HERPUD2: variants seen among roughly 807,000 people sequenced by gnomAD.
The protein encoded by HERPUD2 is homocysteine-responsive endoplasmic reticulum-resident ubiquitin-like domain member 2 protein.
A neutral mutation model predicts 49.9 loss-of-function variants in HERPUD2; 13 were observed. The ratio of observed to expected loss-of-function variants is 0.26; its 90% CI spans 0.17 to 0.41. The LOEUF is 0.41. HERPUD2 is among the 10% of genes least tolerant of loss of function. The probability of loss-of-function intolerance (pLI) is 1.00; values close to 1 mark genes in which losing one functional copy is unlikely to be tolerated. For synonymous variants in HERPUD2, 172 were observed against 171.4 expected (o/e 1.00, Z -0.03); for missense variants, 449 against 492.2 (o/e 0.91, Z 0.83).
chr7:35,691,273 A>G (rs1297029568), intron 2 of HERPUD2, among the ~76,000 whole-genome samples: 5 of 152,222 alleles, frequency 3.3e-5, no homozygotes, highest in African/African-American at 4.8e-5. Context: ...AGTCAAATCA[A>G]TATCTGACCA....
intron 6 of HERPUD2, among the ~76,000 whole-genome samples, chr7:35,637,160 A>AAGAT (rs201529201): frequency 0.033 from 4,777 of 144,070 alleles, 122 homozygotes; most frequent in South Asian, 0.059. Flanking sequence ...GAAAGAAAGA[A>AAGAT]AGATAGATAG....
chr7:35,680,651 C>T (rs1315970609), intron 2 of HERPUD2, among the ~76,000 whole-genome samples: 1 of 152,192 alleles, frequency 6.6e-6, no homozygotes, highest in Non-Finnish European at 1.5e-5. Context: ...TATTCTCCCC[C>T]AGCTCTTGCA....
At chr7:35,674,375 C>T (rs1339258267) in intron 2 of HERPUD2, among the ~76,000 whole-genome samples, 1 of 47,544 alleles carries the variant, frequency 2.1e-5, no homozygotes, top group Non-Finnish European at 4.8e-5. Context: ...ATAAGTCTTA[C>T]AACCTATATA....
chr7:35,688,176 T>C (rs1263422263), intron 2 of HERPUD2, among the ~76,000 whole-genome samples: 2 of 152,224 alleles, frequency 1.3e-5, no homozygotes, highest in Non-Finnish European at 2.9e-5. Flanking sequence ...ATATCATTTC[T>C]GTGGGAAATG....
intron 1 of HERPUD2, 60 bp from the exon 2 acceptor site, chr7:35,694,687 CG>C (rs1030336998): frequency 6.5e-5 from 16 of 245,592 alleles, no homozygotes; most frequent in Admixed American, 1.9e-4. Context: ...GTCACTGCCC[CG>C]CCCCACCGCG....
chr7:35,687,530 T>A (rs940727714), intron 2 of HERPUD2, among the ~76,000 whole-genome samples: 6 of 152,260 alleles, frequency 3.9e-5, no homozygotes, highest in Non-Finnish European at 7.4e-5. Context: ...AACAGAAATA[T>A]CCCACTTCAA....
intron 2 of HERPUD2, among the ~76,000 whole-genome samples, chr7:35,676,419 T>TA (rs1171656895): frequency 6.6e-6 from 1 of 152,182 alleles, no homozygotes; most frequent in Admixed American, 6.5e-5. Flanking sequence ...TAGGAGTCCC[T>TA]ACAAGGTGGC....
intron 3 of HERPUD2, among the ~76,000 whole-genome samples, chr7:35,672,631 A>G (rs181970254): frequency 7.9e-5 from 12 of 152,276 alleles, no homozygotes; most frequent in Middle Eastern, 3.4e-3. Flanking sequence ...GAAAAGCTCT[A>G]TAAGTATAAA....
intron 2 of HERPUD2, among the ~76,000 whole-genome samples, chr7:35,681,574 A>T (rs1452154266): frequency 6.6e-6 from 1 of 152,226 alleles, no homozygotes; most frequent in Non-Finnish European, 1.5e-5. Context: ...GAAACAACCC[A>T]AATGTCTATC....
chr7:35,651,011 G>C (rs750441420), intron 5 of HERPUD2, among the ~76,000 whole-genome samples: 6 of 152,126 alleles, frequency 3.9e-5, no homozygotes, highest in Non-Finnish European at 5.9e-5. Flanking sequence ...TCCTCCCAGA[G>C]GCCTGAGGAC....
chr7:35,633,491 T>C lies in HERPUD2; in HGVS notation c.*199A>G, dbSNP rs1308542585. On this transcript the variant is annotated 3_prime_UTR_variant, in exon 9 of 9. Coordinates refer to ENST00000311350, the MANE Select transcript of HERPUD2 (RefSeq NM_022373.5). ...TTACGCTATGTTCTGTTAGGATCTT[T>C]AAAAAAAAAAAAAAAAAACTCAGAT... 3.7e-6 allele frequency: 1 copy of C among 273,866 alleles called. No homozygotes were observed. Among genetic ancestry groups the C allele is most frequent in the Non-Finnish European group, 6.5e-6 (1 of 153,016 alleles). The allele number at this position is 273,866 out of a possible 1,614,324, so 17.0% of individuals were successfully genotyped here. A position where few individuals can be genotyped will look rare whatever the true frequency, so the allele number is the denominator to read the frequency against.
rs1308301669 is a variant in HERPUD2 at position 35,686,739 on chromosome 7, A to C, written c.147+7445T>G. Among the ~76,000 whole-genome samples the C allele has an allele frequency of 5.3e-3, 592 of 112,396 alleles. 36 individuals are homozygous for C. The highest frequency in any genetic ancestry group is 0.034 in the East Asian group (107 of 3,122). 73.7% of individuals were successfully genotyped at this position (112,396 alleles called of 152,430 possible). ...GTCTCAAAAAAAAAAAAAAAAAAAA[A>C]AAAAAACCAAACCCATTTCCAGGCC... On this transcript the variant is annotated intron_variant, in intron 2 of 8. Transcript: ENST00000311350.
chr7:35,675,356 T>G (rs76019911), intron 2 of HERPUD2, among the ~76,000 whole-genome samples: 1 of 152,178 alleles, frequency 6.6e-6, no homozygotes, highest in Non-Finnish European at 1.5e-5. Context: ...TATATGACCA[T>G]AAGTTGAATG....
Position 35,672,369 on chromosome 7 carries a change from A to G in HERPUD2, c.225+832T>C, listed in dbSNP as rs146050788. On this transcript the variant is annotated intron_variant, in intron 3 of 8. Coordinates refer to ENST00000311350, the MANE Select transcript of HERPUD2 (RefSeq NM_022373.5). ...CCATGTTAGCAATTTGAAACTACATATTGCCAATAACAGCAAGAAGTCACA... is the reference window on the plus strand; with the variant it reads ...CCATGTTAGCAATTTGAAACTACATGTTGCCAATAACAGCAAGAAGTCACA... 1.3e-4 allele frequency among the ~76,000 whole-genome samples: 20 copies of G among 152,218 alleles called. 1 individual carries two copies. In the East Asian group the frequency reaches 3.9e-3, roughly 29 times the overall value.
chr7:35,669,126 C>T (rs1785595629), intron 4 of HERPUD2, among the ~76,000 whole-genome samples: 1 of 151,984 alleles, frequency 6.6e-6, no homozygotes. Context: ...CAACTGTGTC[C>T]GACGACTACA....
chr7:35,692,712 A>G (rs1390779345), intron 2 of HERPUD2, among the ~76,000 whole-genome samples: 3 of 152,174 alleles, frequency 2.0e-5, no homozygotes. Flanking sequence ...GCCGATTAAG[A>G]GTTGTTTTTC....
Position 35,635,281 on chromosome 7 carries a change from T to A in HERPUD2, c.795A>T (p.Pro265=). Residue 265 remains proline (P), a synonymous_variant, in exon 7 of 9, where the codon CCA becomes CCT. Coordinates refer to ENST00000311350, the MANE Select transcript of HERPUD2 (RefSeq NM_022373.5). ...GATTGAAGTCTTCTTCATTTAGTACTGGACCTCCCTGTGCATTCATTTGAA... is the reference window on the plus strand; with the variant it reads ...GATTGAAGTCTTCTTCATTTAGTACAGGACCTCCCTGTGCATTCATTTGAA... The part of the protein sequence containing the change: ...ENVQMNAQGG[P]VLNEEDFNRD... 1 of 1,614,212 alleles carries A rather than the reference T, an allele frequency of 6.2e-7. No homozygotes were observed. Among genetic ancestry groups the A allele is most frequent in the Non-Finnish European group, 8.5e-7 (1 of 1,180,038 alleles).
intron 5 of HERPUD2, among the ~76,000 whole-genome samples, chr7:35,660,340 G>A (rs1785387471): frequency 1.3e-5 from 2 of 152,276 alleles, no homozygotes; most frequent in African/African-American, 2.4e-5. Flanking sequence ...ATAAACATAC[G>A]TGTGCATATG....
chr7:35,655,134 T>C (rs1213377996), intron 5 of HERPUD2, among the ~76,000 whole-genome samples: 1 of 152,172 alleles, frequency 6.6e-6, no homozygotes, highest in Non-Finnish European at 1.5e-5. Flanking sequence ...ATTACACGCA[T>C]GAGCCACTGT....
Sources: gnomAD v4.1 joint callset for allele counts (sites outside exome capture counted in the v4.1 genomes callset) on GRCh38, gnomAD v4.1.1 for gene constraint, MANE v1.5 for transcripts, NCBI Gene and HGNC (gene_info 2026-07-23, HGNC 2026-07-21) for gene names.